CCDC66: variants seen among roughly 807,000 people sequenced by gnomAD.
The protein encoded by CCDC66 is coiled-coil domain-containing protein 66.
CCDC66 carries 133 observed loss-of-function variants against 128.3 expected under a neutral mutation model. The observed-to-expected ratio is 1.04, with a 90% confidence interval of 0.90 to 1.20. CCDC66 has a LOEUF of 1.20. CCDC66 is among the 50% of genes most tolerant of loss of function. The pLI is 0.00. For synonymous variants in CCDC66, 387 were observed against 357.0 expected, an observed-to-expected ratio of 1.08 and a Z score of -0.95; for missense variants, 1,126 against 1,075.5, an observed-to-expected ratio of 1.05 and a Z score of -0.66.
intron 6 of CCDC66, chr3:56,570,381 C>T (rs2066458202): frequency 6.6e-6 from 1 of 152,142 alleles, no homozygotes; most frequent in Non-Finnish European, 1.5e-5. Flanking sequence ...TGAATATTTA[C>T]TTTGTGCCAA....
At chr3:56,597,933 C>G (rs973961989) in intron 10 of CCDC66, among the ~76,000 whole-genome samples, 4 of 151,284 alleles carry the variant, frequency 2.6e-5, no homozygotes, top group Non-Finnish European at 5.9e-5. Flanking sequence ...TGCCACCGCA[C>G]CTTGTAATTT....
intron 15 of CCDC66, chr3:56,618,549 A>ACATCAGT (rs2075846303): frequency 8.4e-6 from 2 of 237,838 alleles, no homozygotes; most frequent in Non-Finnish European, 8.1e-6. Flanking sequence ...GGAAGAAATG[A>ACATCAGT]CTGATAAGGA....
chr3:56,602,143 A>C (rs2073279492), intron 10 of CCDC66, among the ~76,000 whole-genome samples: 1 of 152,030 alleles, frequency 6.6e-6, no homozygotes, highest in African/African-American at 2.4e-5. Flanking sequence ...GATACGTTCC[A>C]TCAATACCTA....
chr3:56,584,614 G>A (rs142512360), intron 7 of CCDC66, among the ~76,000 whole-genome samples: 57,123 of 148,966 alleles, frequency 0.38, 13,430 homozygotes, highest in Non-Finnish European at 0.54. Context: ...CAGACTGGGC[G>A]GCCGGGCAGA....
At chr3:56,591,988 A>G (rs1407210840) in intron 7 of CCDC66, among the ~76,000 whole-genome samples, 1 of 152,162 alleles carries the variant, frequency 6.6e-6, no homozygotes, top group East Asian at 1.9e-4. Context: ...AGTAGAATAT[A>G]TTTTTTTCCT....
chr3:56,586,925 A>G (rs2069873766), intron 7 of CCDC66, among the ~76,000 whole-genome samples: 1 of 151,706 alleles, frequency 6.6e-6, no homozygotes, highest in African/African-American at 2.4e-5. Flanking sequence ...GCATGGTGGG[A>G]TGTTCCTGTA....
chr3:56,572,847 C>T (rs529010826), intron 7 of CCDC66: 1 of 152,390 alleles, frequency 6.6e-6, no homozygotes, highest in Non-Finnish European at 1.5e-5. Flanking sequence ...ATCTGAATTG[C>T]ATTTGCCCAC....
At chr3:56,603,105 G>T (rs941688580) in intron 10 of CCDC66, among the ~76,000 whole-genome samples, 28 of 151,888 alleles carry the variant, frequency 1.8e-4, no homozygotes, top group Non-Finnish European at 2.6e-4. Flanking sequence ...AAAGTACTGG[G>T]ATTACAGGTG....
chr3:56,613,496 G>A, intron 10 of CCDC66, 93 bp from the exon 11 acceptor site: 1 of 1,429,452 alleles, frequency 7.0e-7, no homozygotes, highest in Non-Finnish European at 9.4e-7. Context: ...TGTGGAAGAG[G>A]TGAGCACTGA....
At chr3:56,584,926 C>T (rs1373164517) in intron 7 of CCDC66, among the ~76,000 whole-genome samples, 2 of 151,882 alleles carry the variant, frequency 1.3e-5, no homozygotes, top group Non-Finnish European at 2.9e-5. Flanking sequence ...CCCGTCTCCA[C>T]CAAAAAAATA....
chr3:56,606,622 C>G (rs551992343), intron 10 of CCDC66, among the ~76,000 whole-genome samples: 1 of 152,006 alleles, frequency 6.6e-6, no homozygotes, highest in African/African-American at 2.4e-5. Context: ...CACTGTCCAA[C>G]CAGTCCCAAT....
Position 56,617,308 on chromosome 3 carries a change from G to T in CCDC66, c.2040G>T (p.Gln680His), listed in dbSNP as rs766825170. Reference sequence around the variant, plus strand: ...AAGAAAACAATCGGTGTAATGACCAGTGTAATCAGTTCACAAGAATAGAGA... The same window carrying T: ...AAGAAAACAATCGGTGTAATGACCATTGTAATCAGTTCACAAGAATAGAGA... ...LEKENNRCND[Q>H]CNQFTRIEKQ... Residue 680 changes from glutamine (Q) to histidine (H), a missense_variant, in exon 14 of 18, where the codon CAG becomes CAT. Gln to His is a conservative substitution (Grantham distance 24, BLOSUM62 0). Transcript: ENST00000394672. 1 of 1,613,322 alleles carries T rather than the reference G, an allele frequency of 6.2e-7. No homozygotes were observed. The highest frequency in any genetic ancestry group is 1.7e-5 in the Admixed American group (1 of 59,850).
At chr3:56,561,329 A>G (rs1298211368) in intron 3 of CCDC66, 2 of 454,892 alleles carry the variant, frequency 4.4e-6, no homozygotes, top group South Asian at 1.6e-5. Flanking sequence ...ACATCTGAAG[A>G]TCCCCTTTAT....
At chr3:56,582,853 TTA>T (rs1559663053) in intron 7 of CCDC66, among the ~76,000 whole-genome samples, 3,160 of 99,918 alleles carry the variant, frequency 0.032, 270 homozygotes, top group East Asian at 0.24. Context: ...ACTTTCTTTA[TTA>T]TTATTATTAT....
Position 56,621,522 on chromosome 3 carries a change from G to A in CCDC66, c.2761-10G>A. 6.4e-7 allele frequency: 1 copy of A among 1,566,362 alleles called. No homozygotes were observed. Among genetic ancestry groups the A allele is most frequent in the Non-Finnish European group, 8.7e-7 (1 of 1,153,820 alleles). ...ATTTTACTAACAAACATATATCAAT[G>A]TGATTTCAGGGCCTTCTCCAGAAGC... On this transcript the variant is annotated splice_polypyrimidine_tract_variant and intron_variant, in intron 17 of 17. Coordinates refer to ENST00000394672, the MANE Select transcript of CCDC66 (RefSeq NM_001141947.3).
At chr3:56,585,810 C>T (rs1376507419) in intron 7 of CCDC66, among the ~76,000 whole-genome samples, 3 of 151,786 alleles carry the variant, frequency 2.0e-5, no homozygotes, top group African/African-American at 4.8e-5. Flanking sequence ...TAAAATATTT[C>T]TCCCAAATAT....
Position 56,618,220 on chromosome 3 carries a change from T to C in CCDC66, c.2378+8T>C, listed in dbSNP as rs767674209. 3 of 1,611,390 alleles carry C rather than the reference T, an allele frequency of 1.9e-6. No homozygotes were observed. The highest frequency in any genetic ancestry group is 2.5e-6 in the Non-Finnish European group (3 of 1,177,672). ...TTCATTCAGCAAGGAAAGGTAAGTA[T>C]GCATCAGATTAATTCCGCAGCTACT... is the stretch of plus-strand genomic sequence containing the variant. On this transcript the variant is annotated splice_region_variant and intron_variant, in intron 15 of 17. Transcript: ENST00000394672.
chr3:56,566,178 G>A (rs1391299351), intron 4 of CCDC66, among the ~76,000 whole-genome samples: 1 of 137,600 alleles, frequency 7.3e-6, no homozygotes, highest in Non-Finnish European at 1.7e-5. Flanking sequence ...AGTGCAGAGT[G>A]CAGTGGCACA....
rs2076130820 is a variant in CCDC66 at position 56,619,875 on chromosome 3, C to T, written c.2734C>T (p.Leu912Phe). 1 of 1,613,964 alleles carries T rather than the reference C, an allele frequency of 6.2e-7. No homozygotes were observed. Among genetic ancestry groups the T allele is most frequent in the African/African-American group, 1.3e-5 (1 of 75,028 alleles). The change falls in exon 17 of 18, where the codon CTT becomes TTT. Residue 912 changes from leucine to phenylalanine, a missense_variant. Coordinates refer to ENST00000394672, the MANE Select transcript of CCDC66 (RefSeq NM_001141947.3). ...AAATAGGGATCGACAGCAAGCAATCCTTAAGGGACTTTCAGAACTGAGACA... is the reference window on the plus strand; with the variant it reads ...AAATAGGGATCGACAGCAAGCAATCTTTAAGGGACTTTCAGAACTGAGACA... ...VKNRDRQQAI[L>F]KGLSELRQGL...
Sources: gnomAD v4.1 joint callset for allele counts (sites outside exome capture counted in the v4.1 genomes callset) on GRCh38, gnomAD v4.1.1 for gene constraint, MANE v1.5 for transcripts, NCBI Gene and HGNC (gene_info 2026-07-23, HGNC 2026-07-21) for gene names.